Variants in DHRS7B observed in about 807,000 individuals in gnomAD.
DHRS7B encodes the protein dehydrogenase/reductase 7B.
A neutral mutation model predicts 26.4 loss-of-function variants in DHRS7B; 24 were observed. The observed-to-expected ratio is 0.91, with a 90% CI of 0.66 to 1.28. The LOEUF is 1.28. DHRS7B is among the 50% of genes most tolerant of loss of function. The pLI is 0.00. For missense variants in DHRS7B, 368 were observed against 419.4 expected, an observed-to-expected ratio of 0.88 and a Z score of 1.07; for synonymous variants, 142 against 166.4, an observed-to-expected ratio of 0.85 and a Z score of 1.13.
At chr17:21,189,091 C>A (rs2144251672) in intron 6 of DHRS7B, among the ~76,000 whole-genome samples, 1 of 152,324 alleles carries the variant, frequency 6.6e-6, no homozygotes, top group South Asian at 2.1e-4. Context: ...GCATTCAGAA[C>A]AGGACCTCTG....
chr17:21,184,320 T>G (rs2144210948), intron 4 of DHRS7B, 51 bp from the exon 5 acceptor site: 1 of 1,506,222 alleles, frequency 6.6e-7, no homozygotes, highest in East Asian at 2.3e-5. Context: ...CAGCATCGGG[T>G]GCAATGACTG....
chr17:21,160,658 T>C (rs1363566347), intron 1 of DHRS7B, among the ~76,000 whole-genome samples: 1 of 152,184 alleles, frequency 6.6e-6, no homozygotes, highest in Non-Finnish European at 1.5e-5. Flanking sequence ...TGGAAGACAG[T>C]TGGTAGTTTC....
At chr17:21,169,583 T>TG (rs1292448949) in intron 1 of DHRS7B, among the ~76,000 whole-genome samples, 5 of 152,300 alleles carry the variant, frequency 3.3e-5, no homozygotes, top group South Asian at 2.1e-4. Flanking sequence ...TTCATCCTCA[T>TG]GACCCCTGCA....
rs76720490 is a variant in DHRS7B at position 21,178,451 on chromosome 17, G to A, written c.309+109G>A. On this transcript the variant is annotated intron_variant, in intron 3 of 6. Transcript: ENST00000395511. The stretch of plus-strand genomic sequence containing the variant: ...CTGCTGAGCTGTAGGACATCCATGC[G>A]TCACACTGTCCCAGGGAAGGCAGCA... The A allele has an allele frequency of 9.0e-3, 7,735 of 860,896 alleles. 66 individuals carry two copies. Among genetic ancestry groups the A allele is most frequent in the South Asian group, 0.031 (1,971 of 63,198 alleles). 53.3% of individuals were successfully genotyped at this position (860,896 alleles called of 1,614,324 possible). A position where few individuals can be genotyped will look rare whatever the true frequency, so the allele number is the denominator to read the frequency against.
rs748618275 is a variant in DHRS7B, at chr17:21,172,235, A to C, written c.199+39A>C. ...GCAGTGCTGCCAGGGGGCGGGGGTA[A>C]GTCAGCCAGGGATGAGGAGCGGCCC... On this transcript the variant is annotated intron_variant, in intron 2 of 6. Transcript: ENST00000395511. The C allele has an allele frequency of 1.9e-6, 3 of 1,579,614 alleles. No individual in the cohort carries two copies. The Admixed American group carries it at 5.5e-5, about 29-fold the overall frequency.
At chr17:21,143,148 C>T (rs948640166) in intron 1 of DHRS7B, among the ~76,000 whole-genome samples, 3 of 152,272 alleles carry the variant, frequency 2.0e-5, no homozygotes, top group East Asian at 1.9e-4. Context: ...AGGCTAGTCT[C>T]GAACTCGACC....
intron 2 of DHRS7B, among the ~76,000 whole-genome samples, chr17:21,174,825 C>T (rs182582048): frequency 2.3e-4 from 35 of 152,284 alleles, no homozygotes; most frequent in Non-Finnish European, 2.9e-4. Context: ...ATTTATAAAC[C>T]GGATGAGCAG....
At chr17:21,190,150 A>C (rs990198826) in intron 6 of DHRS7B, among the ~76,000 whole-genome samples, 1 of 151,536 alleles carries the variant, frequency 6.6e-6, no homozygotes, top group Non-Finnish European at 1.5e-5. Context: ...TGGGCAACAG[A>C]GCGAAACCCT....
chr17:21,146,236 A>C (rs1973640831), intron 1 of DHRS7B, among the ~76,000 whole-genome samples: 1 of 152,144 alleles, frequency 6.6e-6, no homozygotes, highest in Admixed American at 6.5e-5. Flanking sequence ...TGGCAAAACC[A>C]GATCTCTACA....
intron 1 of DHRS7B, among the ~76,000 whole-genome samples, chr17:21,140,451 G>A (rs1555536389): frequency 7.0e-6 from 1 of 143,336 alleles, no homozygotes; most frequent in Non-Finnish European, 1.5e-5. Context: ...AAAAGTTTGG[G>A]TTATAGAAAT....
chr17:21,190,992 G>T lies in DHRS7B; in HGVS notation c.817G>T (p.Ala273Ser). ...TAQGRSPVEVAQDVLAAVGKK... is the reference protein window; with the variant it reads ...TAQGRSPVEVSQDVLAAVGKK... ...CCAGGGCCGAAGCCCTGTGGAGGTG[G>T]CCCAGGATGTTCTTGCTGCTGTGGG... The change falls in exon 7 of 7, where the codon GCC becomes TCC. Residue 273 changes from alanine to serine, a missense_variant. By Grantham distance (99) the Ala-to-Ser change is moderately conservative. Transcript: ENST00000395511. 6.2e-7 allele frequency: 1 copy of T among 1,614,240 alleles called. No individual in the cohort carries two copies. Among genetic ancestry groups the T allele is most frequent in the Non-Finnish European group, 8.5e-7 (1 of 1,180,052 alleles).
At chr17:21,151,255 C>G (rs140796593) in intron 1 of DHRS7B, among the ~76,000 whole-genome samples, 11 of 151,998 alleles carry the variant, frequency 7.2e-5, no homozygotes, top group African/African-American at 2.7e-4. Flanking sequence ...GCCTGTAATC[C>G]CAGCACTTTG....
chr17:21,180,607 ATGTC>A (rs1336587569), intron 3 of DHRS7B, among the ~76,000 whole-genome samples: 2 of 151,194 alleles, frequency 1.3e-5, no homozygotes, highest in African/African-American at 2.4e-5. Context: ...GTTGGTCTAT[ATGTC>A]TGTCTTATGT....
chr17:21,164,614 G>C (rs959130677), intron 1 of DHRS7B, among the ~76,000 whole-genome samples: 1 of 152,248 alleles, frequency 6.6e-6, no homozygotes, highest in Admixed American at 6.5e-5. Flanking sequence ...CTTCAGGCAA[G>C]GCTTGTACTT....
chr17:21,166,072 A>C, intron 1 of DHRS7B: 1 of 831,106 alleles, frequency 1.2e-6, no homozygotes, highest in Non-Finnish European at 1.4e-6. Flanking sequence ...TTGTCACCGC[A>C]CTCCTGTGCC....
intron 1 of DHRS7B, among the ~76,000 whole-genome samples, chr17:21,137,433 A>G (rs1973371193): frequency 6.6e-6 from 1 of 150,464 alleles, no homozygotes; most frequent in African/African-American, 2.5e-5. Flanking sequence ...AGTAGCTGGG[A>G]CAGGCACCTG....
At position 21,136,681 on chromosome 17, in the gene DHRS7B, G is replaced by GCCTC. The variant is rs1346868312; in HGVS notation, c.20+9690_20+9691insCCTC. Among the ~76,000 whole-genome samples the GCCTC allele has an allele frequency of 3.4e-4, 51 of 151,844 alleles. 1 individual carries two copies. Among genetic ancestry groups the GCCTC allele is most frequent in the Non-Finnish European group, 1.6e-4 (11 of 67,974 alleles). ...ATTCATTCTCCTGCCTCAGACTCCTGAGTAGCTGGGATTACAGGTGTGTGC... is the reference window on the plus strand; with the variant it reads ...ATTCATTCTCCTGCCTCAGACTCCTGCCTCAGTAGCTGGGATTACAGGTGTGTGC... On this transcript the variant is annotated intron_variant, in intron 1 of 6. Coordinates refer to ENST00000395511, the MANE Select transcript of DHRS7B (RefSeq NM_015510.5).
chr17:21,129,445 C>G (rs1327964643), intron 1 of DHRS7B, among the ~76,000 whole-genome samples: 1 of 151,990 alleles, frequency 6.6e-6, no homozygotes, highest in Non-Finnish European at 1.5e-5. Context: ...GTGGCTCACA[C>G]CTATAATCCG....
At chr17:21,173,017 A>G (rs996624264) in intron 2 of DHRS7B, among the ~76,000 whole-genome samples, 5 of 152,180 alleles carry the variant, frequency 3.3e-5, no homozygotes, top group African/African-American at 1.2e-4. Flanking sequence ...AGTTCCCTGA[A>G]TTGTGGTGAC....
Sources: allele counts gnomAD v4.1 joint callset (sites outside exome capture counted in the v4.1 genomes callset), GRCh38; gene constraint gnomAD v4.1.1; transcripts MANE v1.5; gene names NCBI Gene and HGNC (gene_info 2026-07-23, HGNC 2026-07-21).